SNTG2: variants seen among roughly 807,000 people sequenced by gnomAD.
The protein encoded by SNTG2 is gamma-2-syntrophin.
A neutral mutation model predicts 70.9 loss-of-function variants in SNTG2; 74 were observed. That is an observed-to-expected ratio of 1.04 (90% confidence interval 0.86 to 1.27). SNTG2 has a LOEUF of 1.27. SNTG2 is among the 50% of genes most tolerant of loss of function. The pLI, the probability that SNTG2 is intolerant of heterozygous loss-of-function variation, is 0.00. For synonymous variants in SNTG2, 278 were observed against 273.8 expected, an observed-to-expected ratio of 1.02 and a Z score of -0.15; for missense variants, 717 against 690.7, an observed-to-expected ratio of 1.04 and a Z score of -0.43.
At chr2:1,169,132 C>G (rs1230757700) in intron 7 of SNTG2, among the ~76,000 whole-genome samples, 1 of 152,066 alleles carries the variant, frequency 6.6e-6, no homozygotes, top group Non-Finnish European at 1.5e-5. Context: ...TCTGCAGATT[C>G]TGCAGCAGCT....
chr2:1,139,273 C>A (rs945136403), intron 6 of SNTG2, among the ~76,000 whole-genome samples: 1 of 152,126 alleles, frequency 6.6e-6, no homozygotes, highest in Non-Finnish European at 1.5e-5. Context: ...TTCTGTCGCC[C>A]AGTGTAGAGT....
intron 8 of SNTG2, among the ~76,000 whole-genome samples, chr2:1,184,350 G>C (rs1199778406): frequency 8.3e-6 from 1 of 120,944 alleles, no homozygotes; most frequent in Non-Finnish European, 1.7e-5. Flanking sequence ...AGATGAGTGA[G>C]CAAAAAATAA....
At chr2:1,029,074 C>A (rs1416547816) in intron 1 of SNTG2, among the ~76,000 whole-genome samples, 3 of 152,170 alleles carry the variant, frequency 2.0e-5, no homozygotes, top group Admixed American at 6.5e-5. Context: ...AGCAGGCCCC[C>A]ACGTTTCCGG....
intron 4 of SNTG2, 147 bp from the exon 5 acceptor site, chr2:1,137,473 CAA>C: frequency 2.5e-6 from 2 of 787,660 alleles, no homozygotes; most frequent in Non-Finnish European, 4.2e-6. Context: ...CCTGCACACA[CAA>C]ACACACATCT....
chr2:1,231,391 G>A (rs1167120225), intron 9 of SNTG2, among the ~76,000 whole-genome samples: 8 of 152,234 alleles, frequency 5.3e-5, no homozygotes, highest in East Asian at 1.9e-4. Flanking sequence ...AAGCCAGCTC[G>A]TAATGAGTGA....
intron 14 of SNTG2, among the ~76,000 whole-genome samples, chr2:1,305,233 T>C (rs1488836658): frequency 6.6e-6 from 1 of 152,246 alleles, no homozygotes; most frequent in Non-Finnish European, 1.5e-5. Flanking sequence ...AAGTTGTTCC[T>C]GCAGCCTCAA....
chr2:1,040,742 C>G (rs969815012), intron 1 of SNTG2, among the ~76,000 whole-genome samples: 27 of 152,300 alleles, frequency 1.8e-4, no homozygotes, highest in East Asian at 7.7e-4. Flanking sequence ...ATGAAGAAAC[C>G]TCATTTCTGA....
chr2:1,112,656 G>T lies in SNTG2; in HGVS notation c.325+14246G>T, dbSNP rs368587896. Among the ~76,000 whole-genome samples the T allele has an allele frequency of 3.5e-4, 37 of 105,470 alleles. 1 individual carries two copies. The highest frequency in any genetic ancestry group is 2.8e-3 in the East Asian group (9 of 3,252). The allele number at this position is 105,470 out of a possible 152,430, so 69.2% of individuals were successfully genotyped here. ...GGAGAATCATGTGTACTAAGTGAGG[G>T]TTAACCCTTACAGTCCTTTGAGGAG... On this transcript the variant is annotated intron_variant, in intron 4 of 16. Transcript: ENST00000308624.
At chr2:983,844 G>GA (rs1661212834) in intron 1 of SNTG2, among the ~76,000 whole-genome samples, 1 of 152,228 alleles carries the variant, frequency 6.6e-6, no homozygotes, top group Non-Finnish European at 1.5e-5. Flanking sequence ...TGAGGAATGG[G>GA]AGGAGGGATG....
chr2:1,330,171 T>G (rs1659450365), intron 16 of SNTG2, among the ~76,000 whole-genome samples: 1 of 152,230 alleles, frequency 6.6e-6, no homozygotes. Flanking sequence ...CAATTCTCAG[T>G]GTTTTTGAGA....
At chr2:1,217,071 G>A (rs2148012621) in intron 9 of SNTG2, among the ~76,000 whole-genome samples, 1 of 151,754 alleles carries the variant, frequency 6.6e-6, no homozygotes, top group East Asian at 1.9e-4. Context: ...CTTTTCTTTT[G>A]TTAAGTAATT....
chr2:1,223,719 G>C (rs1331557112), intron 9 of SNTG2, among the ~76,000 whole-genome samples: 2 of 152,156 alleles, frequency 1.3e-5, no homozygotes, highest in Admixed American at 1.3e-4. Flanking sequence ...AGAGTGGATG[G>C]AGAAGGTTTT....
At chr2:1,295,644 G>T (rs1243339953) in intron 14 of SNTG2, among the ~76,000 whole-genome samples, 1 of 152,064 alleles carries the variant, frequency 6.6e-6, no homozygotes, top group Non-Finnish European at 1.5e-5. Context: ...TCCCATGTTG[G>T]GGTACGAGGG....
intron 4 of SNTG2, among the ~76,000 whole-genome samples, chr2:1,124,820 CAG>C (rs1667604947): frequency 6.6e-6 from 1 of 152,056 alleles, no homozygotes; most frequent in African/African-American, 2.4e-5. Flanking sequence ...AGCTGGAGGT[CAG>C]AGGATGCAAA....
intron 16 of SNTG2, among the ~76,000 whole-genome samples, chr2:1,330,641 C>T (rs11888618): frequency 0.02 from 3,075 of 152,254 alleles, 102 homozygotes; most frequent in African/African-American, 0.07. Context: ...TTCAATTAGT[C>T]GGGTTCCACA....
At chr2:1,244,716 A>G (rs952608812) in intron 11 of SNTG2, among the ~76,000 whole-genome samples, 4 of 142,548 alleles carry the variant, frequency 2.8e-5, no homozygotes, top group Non-Finnish European at 6.1e-5. Context: ...AAAAAAAAAA[A>G]CAGTTTGCAA....
At chr2:1,261,976 C>T (rs762891664) in intron 13 of SNTG2, among the ~76,000 whole-genome samples, 28 of 152,042 alleles carry the variant, frequency 1.8e-4, no homozygotes, top group Non-Finnish European at 3.5e-4. Flanking sequence ...CGCGAGTGGC[C>T]GTTAAGAGTT....
intron 14 of SNTG2, among the ~76,000 whole-genome samples, chr2:1,273,855 TA>T (rs1284909622): frequency 6.6e-6 from 1 of 151,972 alleles, no homozygotes; most frequent in Non-Finnish European, 1.5e-5. Flanking sequence ...ACTGCTAATA[TA>T]ATGAAGAGAA....
chr2:1,137,852 G>T (rs764135497), intron 6 of SNTG2, 43 bp downstream of exon 6: 3 of 1,531,446 alleles, frequency 2.0e-6, no homozygotes, highest in Admixed American at 3.3e-5. Flanking sequence ...TATTATTCTT[G>T]TATTTGAATT....
Sources: allele counts gnomAD v4.1 joint callset (sites outside exome capture counted in the v4.1 genomes callset), GRCh38; gene constraint gnomAD v4.1.1; transcripts MANE v1.5; gene names NCBI Gene and HGNC (gene_info 2026-07-23, HGNC 2026-07-21).